GPR158: variants seen among roughly 807,000 people sequenced by gnomAD.
The protein encoded by GPR158 is G protein-coupled receptor 158.
GPR158 carries 30 observed loss-of-function variants against 78.2 expected under a neutral mutation model. The observed-to-expected ratio is 0.38, with a 90% CI of 0.29 to 0.52. GPR158 has a LOEUF of 0.52. Ranked by LOEUF, GPR158 falls within the 20% of genes least tolerant of loss-of-function variation. The probability of loss-of-function intolerance (pLI) is 0.83; values close to 1 mark genes in which losing one functional copy is unlikely to be tolerated. For synonymous variants in GPR158, 581 were observed against 591.1 expected, an observed-to-expected ratio of 0.98 and a Z score of 0.25; for missense variants, 1,463 against 1,523.5, an observed-to-expected ratio of 0.96 and a Z score of 0.66.
chr10:25,279,967 G>GAA (rs112979632), intron 2 of GPR158, among the ~76,000 whole-genome samples: 4 of 119,996 alleles, frequency 3.3e-5, no homozygotes, highest in South Asian at 2.5e-4. Flanking sequence ...CCATTAAAAT[G>GAA]AAAAAAAAAA....
intron 2 of GPR158, among the ~76,000 whole-genome samples, chr10:25,271,658 A>T (rs1462035440): frequency 1.3e-5 from 2 of 152,174 alleles, no homozygotes; most frequent in African/African-American, 4.8e-5. Flanking sequence ...ATGCCAGCGC[A>T]TATAACTTAG....
intron 6 of GPR158, among the ~76,000 whole-genome samples, chr10:25,566,676 T>A (rs1487168729): frequency 6.6e-6 from 1 of 152,210 alleles, no homozygotes. Context: ...GAAATAGCAA[T>A]AACTTAATAT....
At chr10:25,374,259 T>A (rs116214600) in intron 2 of GPR158, among the ~76,000 whole-genome samples, 5,089 of 151,544 alleles carry the variant, frequency 0.034, 254 homozygotes, top group African/African-American at 0.11. Flanking sequence ...TAGTTTTTTT[T>A]ATAATAATTA....
At chr10:25,532,415 C>T (rs189633250) in intron 5 of GPR158, among the ~76,000 whole-genome samples, 53 of 152,238 alleles carry the variant, frequency 3.5e-4, no homozygotes, top group African/African-American at 1.2e-3. Flanking sequence ...GTCTCATCAT[C>T]ATTTTTTCAT....
chr10:25,368,520 C>G (rs913300841), intron 2 of GPR158, among the ~76,000 whole-genome samples: 1 of 151,748 alleles, frequency 6.6e-6, no homozygotes, highest in Admixed American at 6.6e-5. Flanking sequence ...AAATGCAAAT[C>G]AAAACCACAG....
chr10:25,370,141 G>GA (rs2130547533), intron 2 of GPR158, among the ~76,000 whole-genome samples: 1 of 80,096 alleles, frequency 1.2e-5, no homozygotes. Flanking sequence ...TTAATTTTTT[G>GA]AAGGGTTTTT....
intron 2 of GPR158, among the ~76,000 whole-genome samples, chr10:25,314,677 C>G (rs1004684330): frequency 6.7e-6 from 1 of 149,462 alleles, no homozygotes; most frequent in African/African-American, 2.5e-5. Flanking sequence ...TTAGCTTTAC[C>G]AGCACATTTA....
intron 2 of GPR158, among the ~76,000 whole-genome samples, chr10:25,279,966 T>C (rs1333413245): frequency 1.3e-4 from 13 of 99,996 alleles, no homozygotes; most frequent in African/African-American, 4.6e-4. Flanking sequence ...ACCATTAAAA[T>C]GAAAAAAAAA....
At chr10:25,217,763 CTTG>C (rs1276724219) in intron 1 of GPR158, among the ~76,000 whole-genome samples, 2 of 152,160 alleles carry the variant, frequency 1.3e-5, no homozygotes, top group Admixed American at 6.5e-5. Context: ...CTGCTTCGGG[CTTG>C]TTGTTCTATT....
intron 2 of GPR158, among the ~76,000 whole-genome samples, chr10:25,338,564 G>GTATATTATTATATATAATATTATA (rs1554795033): frequency 7.7e-6 from 1 of 130,542 alleles, no homozygotes; most frequent in Non-Finnish European, 1.7e-5. Flanking sequence ...AATACGTATT[G>GTATATTATTATATATAATATTATA]TATATTATTA....
chr10:25,540,748 C>G (rs1215164462), intron 5 of GPR158, among the ~76,000 whole-genome samples: 1 of 151,082 alleles, frequency 6.6e-6, no homozygotes, highest in African/African-American at 2.4e-5. Flanking sequence ...ACAATGAGAA[C>G]ACTTGGACAC....
chr10:25,538,054 A>T (rs987963368), intron 5 of GPR158, among the ~76,000 whole-genome samples: 20 of 152,290 alleles, frequency 1.3e-4, no homozygotes, highest in African/African-American at 3.8e-4. Flanking sequence ...TTTCAAAACA[A>T]TACAAAATGA....
chr10:25,219,233 A>T, intron 1 of GPR158, among the ~76,000 whole-genome samples: 1 of 152,164 alleles, frequency 6.6e-6, no homozygotes, highest in East Asian at 1.9e-4. Context: ...CTGTCCATTA[A>T]ACACTTTGGT....
At chr10:25,595,063 T>A (rs960028802) in intron 9 of GPR158, among the ~76,000 whole-genome samples, 2 of 152,186 alleles carry the variant, frequency 1.3e-5, no homozygotes, top group African/African-American at 4.8e-5. Context: ...ACAAATTATA[T>A]CATTGTTATT....
At position 25,403,146 on chromosome 10, in the gene GPR158, A is replaced by G. The variant is rs144871646; in HGVS notation, c.1111+7133A>G. On this transcript the variant is annotated intron_variant, in intron 3 of 10. Transcript: ENST00000376351. ...TAGTTACATAGAATTCCATTGAATA[A>G]ATGCACTGTGGTTTGCTTAACCATT... Among the ~76,000 whole-genome samples the G allele has an allele frequency of 5.4e-3, 822 of 152,030 alleles. 11 individuals are homozygous for G. Among genetic ancestry groups the G allele is most frequent in the African/African-American group, 0.019 (795 of 41,534 alleles).
intron 5 of GPR158, among the ~76,000 whole-genome samples, chr10:25,533,091 G>T (rs1836447967): frequency 6.6e-6 from 1 of 152,128 alleles, no homozygotes; most frequent in Non-Finnish European, 1.5e-5. Context: ...TGCAAAAAAT[G>T]CTTTAGTGAA....
intron 2 of GPR158, among the ~76,000 whole-genome samples, chr10:25,348,396 G>C (rs1038361151): frequency 4.4e-4 from 63 of 141,788 alleles, no homozygotes; most frequent in African/African-American, 1.6e-3. Flanking sequence ...TAGGAAGAAA[G>C]ACACACACAC....
At chr10:25,475,982 A>T (rs764449524) in intron 5 of GPR158, 11 of 152,156 alleles carry the variant, frequency 7.2e-5, no homozygotes, top group Admixed American at 2.0e-4. Flanking sequence ...GCAATCTTAG[A>T]CTACAGACGA....
chr10:25,306,704 A>T (rs1854680430), intron 2 of GPR158, among the ~76,000 whole-genome samples: 1 of 152,144 alleles, frequency 6.6e-6, no homozygotes, highest in Non-Finnish European at 1.5e-5. Flanking sequence ...ATCTATTACT[A>T]ATGTGTCATG....
Sources: allele counts gnomAD v4.1 joint callset (sites outside exome capture counted in the v4.1 genomes callset), GRCh38; gene constraint gnomAD v4.1.1; transcripts MANE v1.5; gene names NCBI Gene and HGNC (gene_info 2026-07-23, HGNC 2026-07-21).